PDE5A: variants seen among roughly 807,000 people sequenced by gnomAD.
PDE5A encodes the protein cGMP-specific 3',5'-cyclic phosphodiesterase.
Under a neutral mutation model 110.2 loss-of-function variants are expected in PDE5A, and 67 were observed. That is an observed-to-expected ratio of 0.61 (90% CI 0.50 to 0.75). The LOEUF (loss-of-function observed/expected upper bound fraction) is 0.75, where lower values mean the gene tolerates loss of function less well. Ranked by LOEUF, PDE5A falls within the 30% of genes least tolerant of loss-of-function variation. The probability of loss-of-function intolerance (pLI) is 0.00; values close to 1 mark genes in which losing one functional copy is unlikely to be tolerated. For missense variants in PDE5A, 862 were observed against 1,045.1 expected (o/e 0.82, Z 2.42); for synonymous variants, 328 against 351.2 (o/e 0.93, Z 0.74).
At chr4:119,541,100 GGAGT>G (rs1394664804) in intron 10 of PDE5A, among the ~76,000 whole-genome samples, 1 of 152,080 alleles carries the variant, frequency 6.6e-6, no homozygotes, top group Non-Finnish European at 1.5e-5. Flanking sequence ...GGGAATGGAT[GGAGT>G]GATAATGGTC....
At chr4:119,603,233 C>T (rs1161033749) in intron 2 of PDE5A, among the ~76,000 whole-genome samples, 1 of 152,126 alleles carries the variant, frequency 6.6e-6, no homozygotes, top group East Asian at 1.9e-4. Flanking sequence ...TTCATAAATG[C>T]CGTGCCAAGC....
intron 11 of PDE5A, among the ~76,000 whole-genome samples, chr4:119,538,074 G>A (rs970983155): frequency 6.6e-6 from 1 of 152,030 alleles, no homozygotes; most frequent in African/African-American, 2.4e-5. Context: ...TGGTGAACTT[G>A]TATCCTCATT....
intron 3 of PDE5A, among the ~76,000 whole-genome samples, chr4:119,576,931 A>T (rs952436184): frequency 6.4e-4 from 95 of 149,106 alleles, no homozygotes; most frequent in African/African-American, 2.2e-3. Flanking sequence ...CAAAATTGAT[A>T]GACTGCTAGC....
intron 3 of PDE5A, among the ~76,000 whole-genome samples, chr4:119,574,613 G>A (rs918797605): frequency 1.4e-5 from 2 of 145,974 alleles, no homozygotes; most frequent in Non-Finnish European, 3.0e-5. Context: ...TCATCAAAGG[G>A]AATGGAACAA....
chr4:119,562,725 T>A, intron 6 of PDE5A, 108 bp downstream of exon 6: 2 of 817,624 alleles, frequency 2.4e-6, no homozygotes, highest in Non-Finnish European at 3.7e-6. Context: ...TCATACACAT[T>A]TGGGTTTGAG....
intron 1 of PDE5A, among the ~76,000 whole-genome samples, chr4:119,612,612 T>C (rs892793685): frequency 1.1e-4 from 16 of 152,162 alleles, no homozygotes; most frequent in African/African-American, 3.9e-4. Flanking sequence ...TTTCTTTAAA[T>C]CAATGGAAGA....
intron 11 of PDE5A, among the ~76,000 whole-genome samples, chr4:119,530,245 T>C (rs760240683): frequency 1.1e-4 from 17 of 152,124 alleles, no homozygotes; most frequent in Middle Eastern, 3.4e-3. Flanking sequence ...AGAAAGAAAA[T>C]GAAGGGCTCT....
intron 3 of PDE5A, among the ~76,000 whole-genome samples, chr4:119,594,705 C>G (rs762465511): frequency 6.1e-4 from 93 of 152,110 alleles, no homozygotes; most frequent in Non-Finnish European, 1.1e-3. Flanking sequence ...GTCATTGCTG[C>G]AGGCATTTTT....
Position 119,567,158 on chromosome 4 carries a change from A to G in PDE5A, c.832-14T>C, listed in dbSNP as rs368544950. The G allele has an allele frequency of 5.6e-6, 9 of 1,595,690 alleles. No individual in the cohort carries two copies. Among genetic ancestry groups the G allele is most frequent in the East Asian group, 4.5e-5 (2 of 44,782 alleles). ...TACACCAACAACCTGGTATAAGGAGAGAAAAGCGACAATTTTTTTATTGAC... is the reference window on the plus strand; with the variant it reads ...TACACCAACAACCTGGTATAAGGAGGGAAAAGCGACAATTTTTTTATTGAC... On this transcript the variant is annotated splice_polypyrimidine_tract_variant and intron_variant, in intron 3 of 20. Coordinates refer to ENST00000354960, the MANE Select transcript of PDE5A (RefSeq NM_001083.4).
chr4:119,569,020 T>C (rs1385679909), intron 3 of PDE5A, among the ~76,000 whole-genome samples: 1 of 151,818 alleles, frequency 6.6e-6, no homozygotes, highest in Non-Finnish European at 1.5e-5. Context: ...GAGATGATGA[T>C]TCCTTTCAGT....
chr4:119,500,339 A>AAATT (rs1725257920), intron 20 of PDE5A: 1 of 147,236 alleles, frequency 6.8e-6, no homozygotes, highest in South Asian at 2.2e-4. Context: ...TCTTTATATT[A>AAATT]AATTCTTTTG....
intron 10 of PDE5A, among the ~76,000 whole-genome samples, chr4:119,539,758 TTATTAAC>T (rs1726859634): frequency 6.6e-6 from 1 of 152,308 alleles, no homozygotes; most frequent in East Asian, 1.9e-4. Flanking sequence ...AAAATCAGGC[TTATTAAC>T]TTAATTTCCA....
chr4:119,585,014 G>A lies in PDE5A; in HGVS notation c.831+11509C>T, dbSNP rs145276324. Among the ~76,000 whole-genome samples, 1,246 of 152,270 alleles carry A rather than the reference G, an allele frequency of 8.2e-3. 12 individuals carry two copies. Among genetic ancestry groups the A allele is most frequent in the African/African-American group, 0.029 (1,185 of 41,560 alleles). ...GTCTTGGCCGGGTGCGGTGGCTCAC[G>A]CCTGTAATCCCAGCAATTTGGGAGG... On this transcript the variant is annotated intron_variant, in intron 3 of 20. Coordinates refer to ENST00000354960, the MANE Select transcript of PDE5A (RefSeq NM_001083.4).
chr4:119,505,886 A>G lies in PDE5A; in HGVS notation c.2236T>C (p.Leu746=). The change falls in exon 17 of 21, where the codon TTG becomes CTG. Residue 746 remains leucine (L), a synonymous_variant. Coordinates refer to ENST00000354960, the MANE Select transcript of PDE5A (RefSeq NM_001083.4). ...FELIRKNQFN[L]EDPHQKELFL... ...AACTCCTTTTGATGAGGATCTTCCA[A>G]ATTGAATTGATTTTTTCTTATAAGT... 6.4e-7 allele frequency: 1 copy of G among 1,570,766 alleles called. No individual in the cohort carries two copies. The highest frequency in any genetic ancestry group is 8.6e-7 in the Non-Finnish European group (1 of 1,159,894).
intron 1 of PDE5A, among the ~76,000 whole-genome samples, chr4:119,613,844 G>C (rs978643283): frequency 6.6e-6 from 1 of 151,948 alleles, no homozygotes; most frequent in Admixed American, 6.6e-5. Flanking sequence ...TTAAATGTCT[G>C]AACCACACCC....
rs183590431 is a variant in PDE5A, at chr4:119,547,668, A to G, written c.1396+4882T>C. Among the ~76,000 whole-genome samples the G allele has an allele frequency of 1.9e-3, 289 of 152,132 alleles. 2 individuals carry two copies. Among genetic ancestry groups the G allele is most frequent in the African/African-American group, 6.7e-3 (279 of 41,540 alleles). On this transcript the variant is annotated intron_variant, in intron 9 of 20. Transcript: ENST00000354960. ...AACAATTACTTTTCTAAAATGCTGT[A>G]ATTTAATTATGACTTTTGATTTCTT...
chr4:119,596,314 T>A (rs888716782), intron 3 of PDE5A, among the ~76,000 whole-genome samples: 2 of 152,058 alleles, frequency 1.3e-5, no homozygotes, highest in Non-Finnish European at 2.9e-5. Flanking sequence ...AATTTATTTC[T>A]AAGTAAATGG....
At chr4:119,541,077 A>G (rs182735087) in intron 10 of PDE5A, among the ~76,000 whole-genome samples, 150 of 152,222 alleles carry the variant, frequency 9.9e-4, no homozygotes, top group African/African-American at 3.4e-3. Flanking sequence ...AGGGAAGTGC[A>G]GAGGAGTGCG....
chr4:119,616,248 C>T (rs958218700), intron 1 of PDE5A, among the ~76,000 whole-genome samples: 4 of 152,036 alleles, frequency 2.6e-5, no homozygotes, highest in African/African-American at 9.7e-5. Flanking sequence ...TTGCATATTC[C>T]ACAGATGATA....
Sources: gnomAD v4.1 joint callset for allele counts (sites outside exome capture counted in the v4.1 genomes callset) on GRCh38, gnomAD v4.1.1 for gene constraint, MANE v1.5 for transcripts, NCBI Gene and HGNC (gene_info 2026-07-23, HGNC 2026-07-21) for gene names.